Variants in PHLPP1 observed in about 807,000 individuals in gnomAD.
PHLPP1 encodes PH domain leucine-rich repeat-containing protein phosphatase 1.
Under a neutral mutation model 117.2 loss-of-function variants are expected in PHLPP1, and 42 were observed. The ratio of observed to expected loss-of-function variants is 0.36; its 90% CI spans 0.28 to 0.46. PHLPP1 has a LOEUF of 0.46. Among genes scored for constraint, PHLPP1 ranks in the 20% least tolerant of loss-of-function variants. PHLPP1 has a pLI of 1.00. For missense variants in PHLPP1, 2,084 were observed against 2,241.9 expected, an observed-to-expected ratio of 0.93 and a Z score of 1.42; for synonymous variants, 1,042 against 970.7, an observed-to-expected ratio of 1.07 and a Z score of -1.37.
chr18:62,748,504 C>G (rs1445978921), intron 1 of PHLPP1, among the ~76,000 whole-genome samples: 1 of 152,186 alleles, frequency 6.6e-6, no homozygotes, highest in Non-Finnish European at 1.5e-5. Context: ...GCCTTGGCCA[C>G]CAAAGTGCTG....
At chr18:62,865,608 A>G (rs541425) in intron 4 of PHLPP1, among the ~76,000 whole-genome samples, 70,017 of 152,000 alleles carry the variant, frequency 0.46, 16,646 homozygotes, top group Non-Finnish European at 0.53. Context: ...AGAATGGTGC[A>G]TTAGAATTCA....
intron 1 of PHLPP1, among the ~76,000 whole-genome samples, chr18:62,724,721 G>GT (rs1911018647): frequency 6.6e-6 from 1 of 152,262 alleles, no homozygotes; most frequent in Admixed American, 6.5e-5. Context: ...TCTATTCAAG[G>GT]TTTTTTCCTA....
At chr18:62,746,182 A>G (rs572778209) in intron 1 of PHLPP1, among the ~76,000 whole-genome samples, 16 of 152,008 alleles carry the variant, frequency 1.1e-4, no homozygotes, top group Non-Finnish European at 1.9e-4. Context: ...AGTAGCTGAG[A>G]CTATAGGCAT....
At chr18:62,824,554 G>A (rs1914556003) in intron 1 of PHLPP1, among the ~76,000 whole-genome samples, 1 of 152,068 alleles carries the variant, frequency 6.6e-6, no homozygotes, top group Admixed American at 6.6e-5. Context: ...CTTATTTTCT[G>A]GTGATGGTTT....
chr18:62,858,429 A>T (rs370713150), intron 3 of PHLPP1, among the ~76,000 whole-genome samples: 1 of 152,078 alleles, frequency 6.6e-6, no homozygotes, highest in Admixed American at 6.5e-5. Flanking sequence ...CGCCCAGCTA[A>T]TTTTTGTATT....
chr18:62,722,328 T>TA (rs1256556807), intron 1 of PHLPP1, among the ~76,000 whole-genome samples: 3 of 152,190 alleles, frequency 2.0e-5, no homozygotes, highest in Non-Finnish European at 4.4e-5. Flanking sequence ...TGCCAGGGTT[T>TA]AACATAATTC....
chr18:62,770,975 T>C (rs904415290), intron 1 of PHLPP1, among the ~76,000 whole-genome samples: 1 of 152,066 alleles, frequency 6.6e-6, no homozygotes, highest in East Asian at 1.9e-4. Flanking sequence ...TCCCAACACT[T>C]TGGGAGGCCG....
intron 12 of PHLPP1, among the ~76,000 whole-genome samples, chr18:62,957,508 A>G (rs7232184): frequency 0.056 from 8,521 of 151,908 alleles, 758 homozygotes; most frequent in African/African-American, 0.19. Context: ...TGCTTTTGCC[A>G]ATTTCTTATT....
chr18:62,781,330 T>C (rs1913113712), intron 1 of PHLPP1, among the ~76,000 whole-genome samples: 1 of 152,242 alleles, frequency 6.6e-6, no homozygotes, highest in African/African-American at 2.4e-5. Context: ...CCATTTCATG[T>C]CTTGCCTTAA....
At chr18:62,781,550 C>T (rs893029503) in intron 1 of PHLPP1, among the ~76,000 whole-genome samples, 1 of 152,178 alleles carries the variant, frequency 6.6e-6, no homozygotes, top group Non-Finnish European at 1.5e-5. Flanking sequence ...CTCACCTTCA[C>T]TTGTGAGAGT....
chr18:62,965,452 C>CTTTTTTTTT (rs34187461), intron 14 of PHLPP1, among the ~76,000 whole-genome samples: 4 of 76,138 alleles, frequency 5.3e-5, no homozygotes, highest in African/African-American at 5.6e-5. Context: ...TAATCAGCCT[C>CTTTTTTTTT]TTTTTTTTTT....
chr18:62,973,379 C>T (rs1462252038), intron 15 of PHLPP1, among the ~76,000 whole-genome samples: 3 of 152,130 alleles, frequency 2.0e-5, no homozygotes, highest in Non-Finnish European at 4.4e-5. Context: ...TTATTCTTAC[C>T]ACCTTCATGG....
intron 1 of PHLPP1, among the ~76,000 whole-genome samples, chr18:62,721,540 CTTA>C (rs561677841): frequency 2.3e-3 from 348 of 151,930 alleles, no homozygotes; most frequent in African/African-American, 7.9e-3. Context: ...TTTGCTTAAA[CTTA>C]TTATTAAAAA....
chr18:62,972,445 A>G, intron 14 of PHLPP1, 69 bp from the exon 15 acceptor site: 2 of 1,397,908 alleles, frequency 1.4e-6, no homozygotes. Flanking sequence ...AAATCTTGAA[A>G]TAAGCACTGG....
At chr18:62,752,451 C>T (rs1019220728) in intron 1 of PHLPP1, among the ~76,000 whole-genome samples, 1 of 152,192 alleles carries the variant, frequency 6.6e-6, no homozygotes, top group Non-Finnish European at 1.5e-5. Context: ...AGTATGCGAC[C>T]TTTTACAACA....
chr18:62,803,527 T>C (rs892228412), intron 1 of PHLPP1, among the ~76,000 whole-genome samples: 1 of 152,240 alleles, frequency 6.6e-6, no homozygotes, highest in Non-Finnish European at 1.5e-5. Context: ...ATTTTGCATG[T>C]AGGAGGTCAT....
chr18:62,817,379 G>A (rs1259325026), intron 1 of PHLPP1, among the ~76,000 whole-genome samples: 1 of 152,128 alleles, frequency 6.6e-6, no homozygotes, highest in African/African-American at 2.4e-5. Context: ...GAGAGACATG[G>A]AAGATAAATA....
At chr18:62,746,825 T>C (rs377704415) in intron 1 of PHLPP1, among the ~76,000 whole-genome samples, 2 of 152,280 alleles carry the variant, frequency 1.3e-5, no homozygotes, top group East Asian at 3.9e-4. Flanking sequence ...AAAAGTTTGC[T>C]GGTGCATAGC....
chr18:62,955,386 A>G (rs1165795584), intron 12 of PHLPP1, among the ~76,000 whole-genome samples: 3 of 152,180 alleles, frequency 2.0e-5, no homozygotes, highest in Non-Finnish European at 4.4e-5. Flanking sequence ...AGTAAACCAC[A>G]CTGAGAAACC....
Sources: allele counts gnomAD v4.1 joint callset (sites outside exome capture counted in the v4.1 genomes callset), GRCh38; gene constraint gnomAD v4.1.1; transcripts MANE v1.5; gene names NCBI Gene and HGNC (gene_info 2026-07-23, HGNC 2026-07-21).